Variants in COL11A1 observed in about 807,000 individuals in gnomAD.
COL11A1 encodes collagen type XI alpha 1 chain, also known as collagen alpha-1(XI) chain.
Under a neutral mutation model 265.2 loss-of-function variants are expected in COL11A1, and 74 were observed. The ratio of observed to expected loss-of-function variants is 0.28; its 90% CI spans 0.23 to 0.34. The LOEUF (loss-of-function observed/expected upper bound fraction) is 0.34. Ranked by LOEUF, COL11A1 falls within the 10% of genes least tolerant of loss-of-function variation. COL11A1 has a pLI of 1.00. For synonymous variants in COL11A1, 816 were observed against 727.6 expected, an observed-to-expected ratio of 1.12 and a Z score of -1.96; for missense variants, 2,165 against 2,263.6, an observed-to-expected ratio of 0.96 and a Z score of 0.88.
intron 3 of COL11A1, among the ~76,000 whole-genome samples, chr1:103,077,471 CG>C (rs1340817008): frequency 1.3e-5 from 2 of 151,854 alleles, no homozygotes; most frequent in Admixed American, 6.6e-5. Flanking sequence ...AGAAACACAA[CG>C]TGCTATTATA....
At chr1:103,097,270 G>A (rs780023482) in intron 1 of COL11A1, among the ~76,000 whole-genome samples, 4 of 151,750 alleles carry the variant, frequency 2.6e-5, no homozygotes, top group African/African-American at 4.8e-5. Context: ...TGTGTCCCCC[G>A]CCTTCTTCCC....
At chr1:102,884,503 C>A (rs566503633) in intron 63 of COL11A1, 2 of 152,172 alleles carry the variant, frequency 1.3e-5, no homozygotes, top group East Asian at 1.9e-4. Context: ...CTTCTTTATA[C>A]GATCTCAGGA....
chr1:102,974,887 G>A lies in COL11A1; in HGVS notation c.2755-4C>T. ...GACCCTGAGGTCCTTGAGGACCCTG[G>A]AAATAAAAAGCAGTGGGGAGAAGTT... is the stretch of plus-strand genomic sequence containing the variant. On this transcript the variant is annotated splice_polypyrimidine_tract_variant and splice_region_variant and intron_variant, in intron 35 of 66. Coordinates refer to ENST00000370096, the MANE Select transcript of COL11A1 (RefSeq NM_001854.4). 1 of 1,612,658 alleles carries A rather than the reference G, an allele frequency of 6.2e-7. No individual in the cohort carries two copies. The highest frequency in any genetic ancestry group is 1.3e-5 in the African/African-American group (1 of 75,008).
At chr1:102,901,490 C>T (rs1653198052) in intron 54 of COL11A1, among the ~76,000 whole-genome samples, 1 of 142,202 alleles carries the variant, frequency 7.0e-6, no homozygotes, top group Admixed American at 7.3e-5. Context: ...TTATACATTA[C>T]AGAGTCTGTG....
rs757289768 is a variant in COL11A1, at chr1:102,923,384, C to A, written c.3606G>T (p.Leu1202=). The part of the protein sequence containing the change: ...GPPGPIGLQG[L]PGPPGEKGEN... Reference sequence around the variant, plus strand: ...CACCTTTTTCACCAGGTGGGCCTGGCAGACCCTAAGAAAATATAATAGAAA... The same window carrying A: ...CACCTTTTTCACCAGGTGGGCCTGGAAGACCCTAAGAAAATATAATAGAAA... Residue 1202 remains leucine, a synonymous_variant, in exon 47 of 67, where the codon CTG becomes CTT. Coordinates refer to ENST00000370096, the MANE Select transcript of COL11A1 (RefSeq NM_001854.4). 6.3e-7 allele frequency: 1 copy of A among 1,599,192 alleles called. No individual in the cohort carries two copies. The highest frequency in any genetic ancestry group is 8.5e-7 in the Non-Finnish European group (1 of 1,171,358).
intron 38 of COL11A1, 67 bp from the exon 39 acceptor site, chr1:102,962,827 A>G (rs1661053088): frequency 7.1e-7 from 1 of 1,407,696 alleles, no homozygotes; most frequent in Admixed American, 1.7e-5. Context: ...CACAAACTCA[A>G]AAACAGTATT....
At chr1:103,045,087 A>C (rs1669139187) in intron 4 of COL11A1, among the ~76,000 whole-genome samples, 1 of 152,040 alleles carries the variant, frequency 6.6e-6, no homozygotes, top group Non-Finnish European at 1.5e-5. Flanking sequence ...GCCCCAAGGC[A>C]AGAGATTAAT....
chr1:103,048,222 C>A, intron 4 of COL11A1, among the ~76,000 whole-genome samples: 1 of 152,172 alleles, frequency 6.6e-6, no homozygotes, highest in Non-Finnish European at 1.5e-5. Flanking sequence ...GGCTGTGAAT[C>A]CATCTGGTCC....
intron 54 of COL11A1, among the ~76,000 whole-genome samples, chr1:102,909,023 T>C (rs1026660): frequency 0.1 from 15,167 of 152,198 alleles, 1,774 homozygotes; most frequent in African/African-American, 0.28. Context: ...AAAAAATAAT[T>C]ATTGATTATT....
rs1463200691 is a variant in COL11A1, at chr1:102,923,378, G to T, written c.3612C>A (p.Gly1204=). The change falls in exon 47 of 67, where the codon GGC becomes GGA. Residue 1204 remains glycine (G), a synonymous_variant. Transcript: ENST00000370096. ...PGPIGLQGLP[G]PPGEKGENGD... ...CATTTTCACCTTTTTCACCAGGTGG[G>T]CCTGGCAGACCCTAAGAAAATATAA... 5 of 1,602,748 alleles carry T rather than the reference G, an allele frequency of 3.1e-6. No individual in the cohort carries two copies. Among genetic ancestry groups the T allele is most frequent in the Non-Finnish European group, 4.3e-6 (5 of 1,173,448 alleles).
chr1:103,096,067 G>T (rs1415362), intron 1 of COL11A1, among the ~76,000 whole-genome samples: 1,595 of 152,054 alleles, frequency 0.01, 32 homozygotes, highest in African/African-American at 0.036. Context: ...AAGGTTAGGG[G>T]AGAAGGATGA....
intron 2 of COL11A1, among the ~76,000 whole-genome samples, chr1:103,080,902 T>C (rs1672360829): frequency 6.6e-6 from 1 of 151,856 alleles, no homozygotes; most frequent in Non-Finnish European, 1.5e-5. Context: ...ATGTCCCAAG[T>C]AAATGACATC....
chr1:102,928,946 T>TTTG (rs1657006103), intron 46 of COL11A1, among the ~76,000 whole-genome samples: 1 of 45,538 alleles, frequency 2.2e-5, no homozygotes, highest in Non-Finnish European at 8.4e-5. Context: ...GGGGTTGTTT[T>TTTG]TTTCTTGTAA....
intron 28 of COL11A1, among the ~76,000 whole-genome samples, chr1:102,992,780 T>C (rs1022147610): frequency 6.6e-6 from 1 of 152,250 alleles, no homozygotes; most frequent in Admixed American, 6.5e-5. Context: ...GAATTTTCTT[T>C]ATTTTACAGA....
chr1:102,941,318 C>G (rs1658697626), intron 42 of COL11A1, among the ~76,000 whole-genome samples: 1 of 152,184 alleles, frequency 6.6e-6, no homozygotes, highest in African/African-American at 2.4e-5. Context: ...TGAAAAAAAC[C>G]TCCTGCCTTT....
chr1:102,934,500 A>T lies in COL11A1; in HGVS notation c.3549T>A (p.Gly1183=), dbSNP rs756169163. The part of the protein sequence containing the change: ...RGQQGMFGQK[G]DEGARGFPGP... The stretch of plus-strand genomic sequence containing the variant: ...CAGGGAAGCCTCTGGCACCCTCATC[A>T]CCTTTTTGCCCAAACATCCCCTGCT... The change falls in exon 46 of 67, where the codon GGT becomes GGA. Residue 1183 remains glycine (G), a synonymous_variant. Transcript: ENST00000370096. The T allele has an allele frequency of 5.0e-6, 8 of 1,614,126 alleles. No homozygotes were observed. In the East Asian group the frequency reaches 1.6e-4, roughly 31 times the overall value.
At chr1:103,097,598 A>ATCACT (rs1673881055) in intron 1 of COL11A1, among the ~76,000 whole-genome samples, 1 of 152,028 alleles carries the variant, frequency 6.6e-6, no homozygotes, top group Non-Finnish European at 1.5e-5. Flanking sequence ...TGTCTCCTCA[A>ATCACT]GTAGACCATA....
At chr1:103,078,918 C>G in intron 2 of COL11A1, 47 bp from the exon 3 acceptor site, 3 of 1,335,682 alleles carry the variant, frequency 2.2e-6, no homozygotes, top group Non-Finnish European at 3.2e-6. Flanking sequence ...TTTCCAATTT[C>G]TACTTTATTC....
At chr1:103,056,434 CAGTTAAAACTTCCAAG>C (rs1443958975) in intron 4 of COL11A1, among the ~76,000 whole-genome samples, 1 of 152,118 alleles carries the variant, frequency 6.6e-6, no homozygotes, top group Non-Finnish European at 1.5e-5. Flanking sequence ...AATATTCTGA[CAGTTAAAACTTCCAAG>C]AGTTAAAAAC....
Sources: allele counts gnomAD v4.1 joint callset (sites outside exome capture counted in the v4.1 genomes callset), GRCh38; gene constraint gnomAD v4.1.1; transcripts MANE v1.5; gene names NCBI Gene and HGNC (gene_info 2026-07-23, HGNC 2026-07-21).